ALPK1: variants seen among roughly 807,000 people sequenced by gnomAD.
ALPK1 encodes the protein alpha kinase 1, also known as alpha-protein kinase 1.
In ALPK1, 110 loss-of-function variants were observed where a neutral mutation model predicts 120.6. The ratio of observed to expected loss-of-function variants is 0.91; its 90% CI spans 0.78 to 1.07. ALPK1 has a LOEUF of 1.07. Among genes scored for constraint, ALPK1 ranks in the 50% least tolerant of loss-of-function variants. The pLI is 0.00. For missense variants in ALPK1, 1,498 were observed against 1,483.9 expected, an observed-to-expected ratio of 1.01 and a Z score of -0.16; for synonymous variants, 582 against 560.3, an observed-to-expected ratio of 1.04 and a Z score of -0.55.
intron 2 of ALPK1, among the ~76,000 whole-genome samples, chr4:112,318,609 T>C (rs17627760): frequency 0.085 from 12,880 of 152,284 alleles, 842 homozygotes; most frequent in Admixed American, 0.21. Context: ...TTTAGAGAAG[T>C]ACCTTTATAA....
At chr4:112,417,812 C>T (rs977596047) in intron 5 of ALPK1, among the ~76,000 whole-genome samples, 12 of 152,238 alleles carry the variant, frequency 7.9e-5, no homozygotes, top group African/African-American at 2.4e-4. Flanking sequence ...TAAATCTATT[C>T]ATTTAGTGCA....
Position 112,431,291 on chromosome 4 carries a change from G to T in ALPK1, c.1744G>T (p.Ala582Ser). 2 of 1,614,212 alleles carry T rather than the reference G, an allele frequency of 1.2e-6. No individual in the cohort carries two copies. Among genetic ancestry groups the T allele is most frequent in the Non-Finnish European group, 1.7e-6 (2 of 1,180,046 alleles). ...TCTGAGTGGCAGCCAGACTTCCAGT[G>T]CTTGGAGCAACTTATCAGGGTTTAG... is the stretch of plus-strand genomic sequence containing the variant. Reference protein sequence around the residue: ...KSLSGSQTSSAWSNLSGFSSS... With the variant: ...KSLSGSQTSSSWSNLSGFSSS... The change falls in exon 11 of 16, where the codon GCT becomes TCT. Residue 582 changes from alanine (A) to serine (S), a missense_variant. Coordinates refer to ENST00000650871, the MANE Select transcript of ALPK1 (RefSeq NM_025144.4).
intron 1 of ALPK1, 112 bp downstream of exon 1, chr4:112,297,581 T>A (rs1156449040): frequency 2.0e-5 from 3 of 149,708 alleles, no homozygotes; most frequent in Non-Finnish European, 4.4e-5. Flanking sequence ...TATATTTAAA[T>A]AACTTTAGAG....
chr4:112,418,634 G>T (rs1733852427), intron 5 of ALPK1, among the ~76,000 whole-genome samples: 2 of 152,184 alleles, frequency 1.3e-5, no homozygotes, highest in South Asian at 4.1e-4. Flanking sequence ...CGATGACAAG[G>T]CTTACCATCT....
chr4:112,387,722 A>G (rs1381632373), intron 4 of ALPK1, among the ~76,000 whole-genome samples: 2 of 152,172 alleles, frequency 1.3e-5, no homozygotes, highest in African/African-American at 4.8e-5. Flanking sequence ...TCTTTATGCT[A>G]TTTTGTGGAA....
chr4:112,339,372 A>G (rs1275009386), intron 2 of ALPK1, among the ~76,000 whole-genome samples: 1 of 152,274 alleles, frequency 6.6e-6, no homozygotes, highest in Non-Finnish European at 1.5e-5. Context: ...TGGGGCTTTA[A>G]GTAAAATAAC....
At chr4:112,427,690 A>T (rs527857871) in intron 9 of ALPK1, 25 bp downstream of exon 9, 1 of 1,530,642 alleles carries the variant, frequency 6.5e-7, no homozygotes, top group Admixed American at 1.7e-5. Flanking sequence ...ACTGAGTGGC[A>T]TCACCTGTAA....
chr4:112,304,694 G>T (rs1206426678), intron 1 of ALPK1, among the ~76,000 whole-genome samples: 3 of 152,044 alleles, frequency 2.0e-5, no homozygotes, highest in Admixed American at 2.0e-4. Context: ...CTCCCATTCT[G>T]TAGGTTGCCT....
chr4:112,404,895 G>A (rs1313209292), intron 4 of ALPK1, among the ~76,000 whole-genome samples: 2 of 152,152 alleles, frequency 1.3e-5, no homozygotes, highest in African/African-American at 4.8e-5. Flanking sequence ...GGCTAATTTA[G>A]TCTCCCTACC....
chr4:112,345,968 ATT>A (rs1730084109), intron 2 of ALPK1, among the ~76,000 whole-genome samples: 2 of 152,194 alleles, frequency 1.3e-5, no homozygotes, highest in Non-Finnish European at 2.9e-5. Flanking sequence ...GGTTCAAGCA[ATT>A]CTCCTGTCTC....
At chr4:112,401,242 AG>A (rs1248505276) in intron 4 of ALPK1, among the ~76,000 whole-genome samples, 2 of 152,192 alleles carry the variant, frequency 1.3e-5, no homozygotes, top group Non-Finnish European at 2.9e-5. Context: ...GCTTTTTAAA[AG>A]TTATGACATT....
intron 4 of ALPK1, chr4:112,384,410 G>C (rs754651624): frequency 1.3e-5 from 2 of 152,250 alleles, no homozygotes; most frequent in Admixed American, 1.3e-4. Flanking sequence ...CACTTGAAAT[G>C]TGGTGAATGG....
intron 4 of ALPK1, among the ~76,000 whole-genome samples, chr4:112,391,059 T>A (rs1468013061): frequency 1.3e-5 from 2 of 152,194 alleles, no homozygotes; most frequent in Non-Finnish European, 2.9e-5. Context: ...TAGATTGTAT[T>A]ATTGTTCCCA....
intron 1 of ALPK1, among the ~76,000 whole-genome samples, chr4:112,298,057 T>C (rs1287212195): frequency 6.6e-6 from 1 of 152,192 alleles, no homozygotes; most frequent in Non-Finnish European, 1.5e-5. Flanking sequence ...TTCCTTTGCA[T>C]GTCTATTTAG....
At chr4:112,367,328 G>T (rs1731205177) in intron 2 of ALPK1, among the ~76,000 whole-genome samples, 1 of 152,066 alleles carries the variant, frequency 6.6e-6, no homozygotes, top group Admixed American at 6.6e-5. Context: ...ATATTAACTG[G>T]TTATTTCTAG....
chr4:112,392,283 G>A (rs568615002), intron 4 of ALPK1, among the ~76,000 whole-genome samples: 2 of 152,082 alleles, frequency 1.3e-5, no homozygotes, highest in Admixed American at 6.6e-5. Flanking sequence ...TCACCATATC[G>A]GTAAATGGCA....
intron 1 of ALPK1, among the ~76,000 whole-genome samples, chr4:112,298,668 A>G (rs1727649322): frequency 1.3e-5 from 2 of 151,938 alleles, no homozygotes; most frequent in Non-Finnish European, 2.9e-5. Flanking sequence ...AACTGTAAAG[A>G]AAAGGCATGT....
At chr4:112,414,540 G>C in intron 5 of ALPK1, 1 of 296,124 alleles carries the variant, frequency 3.4e-6, no homozygotes, top group South Asian at 2.9e-5. Context: ...CTCCGGAGGT[G>C]GAAGTTGCAG....
chr4:112,323,689 T>C (rs1422589349), intron 2 of ALPK1, among the ~76,000 whole-genome samples: 1 of 152,180 alleles, frequency 6.6e-6, no homozygotes, highest in Non-Finnish European at 1.5e-5. Context: ...TTACATAAAA[T>C]TTTACTCTGT....
Sources: allele counts gnomAD v4.1 joint callset (sites outside exome capture counted in the v4.1 genomes callset), GRCh38; gene constraint gnomAD v4.1.1; transcripts MANE v1.5; gene names NCBI Gene and HGNC (gene_info 2026-07-23, HGNC 2026-07-21).